Variants in ASIC2 observed in about 807,000 individuals in gnomAD.
ASIC2 encodes acid sensing ion channel subunit 2.
A neutral mutation model predicts 57.3 loss-of-function variants in ASIC2; 25 were observed. The observed-to-expected ratio is 0.44, with a 90% CI of 0.32 to 0.61. The LOEUF is 0.61. ASIC2 is among the 20% of genes least tolerant of loss of function. The pLI, the probability that ASIC2 is intolerant of heterozygous loss-of-function variation, is 0.06. For missense variants in ASIC2, 641 were observed against 738.1 expected, an observed-to-expected ratio of 0.87 and a Z score of 1.52; for synonymous variants, 319 against 307.5, an observed-to-expected ratio of 1.04 and a Z score of -0.39.
intron 1 of ASIC2, among the ~76,000 whole-genome samples, chr17:34,059,376 G>A (rs1908886175): frequency 6.6e-6 from 1 of 152,136 alleles, no homozygotes; most frequent in African/African-American, 2.4e-5. Context: ...TTCTTGCCTG[G>A]CATTACAGGG....
At chr17:33,831,106 CAAAAAAAAAAAAAAAAAAAA>C (rs56841196) in intron 1 of ASIC2, among the ~76,000 whole-genome samples, 9 of 22,964 alleles carry the variant, frequency 3.9e-4, no homozygotes, top group African/African-American at 1.1e-3. Context: ...AAGGCTCTGT[CAAAAAAAAAAAAAAAAAAAA>C]AAAAAAAAAA....
At chr17:33,899,350 G>C (rs1597922059) in intron 1 of ASIC2, among the ~76,000 whole-genome samples, 1 of 152,208 alleles carries the variant, frequency 6.6e-6, no homozygotes, top group East Asian at 1.9e-4. Context: ...GAGGATGTGA[G>C]TACCATGCTA....
intron 1 of ASIC2, among the ~76,000 whole-genome samples, chr17:33,316,750 G>A (rs918438002): frequency 1.3e-5 from 2 of 152,090 alleles, no homozygotes; most frequent in Admixed American, 6.5e-5. Context: ...ACTGATCATC[G>A]CCACTCCCAA....
intron 1 of ASIC2, among the ~76,000 whole-genome samples, chr17:33,498,610 G>A (rs542496878): frequency 7.9e-5 from 12 of 152,128 alleles, no homozygotes; most frequent in East Asian, 1.9e-4. Context: ...GGAGCTGCTC[G>A]GGTGAAGACT....
intron 1 of ASIC2, among the ~76,000 whole-genome samples, chr17:33,405,038 C>G (rs1037681545): frequency 2.6e-5 from 4 of 151,240 alleles, no homozygotes; most frequent in African/African-American, 9.7e-5. Flanking sequence ...CCAGGACACT[C>G]TGGGCTAATG....
intron 1 of ASIC2, among the ~76,000 whole-genome samples, chr17:33,623,912 C>T (rs961026325): frequency 8.5e-5 from 13 of 152,170 alleles, no homozygotes; most frequent in Non-Finnish European, 1.6e-4. Context: ...CCCTCCTCTG[C>T]CTTCTCTCTC....
chr17:34,065,809 G>A (rs935417718), intron 1 of ASIC2, among the ~76,000 whole-genome samples: 1 of 152,124 alleles, frequency 6.6e-6, no homozygotes, highest in African/African-American at 2.4e-5. Context: ...AATCAAAAGG[G>A]AGAATTATAA....
chr17:34,025,513 A>G (rs1212156775), intron 1 of ASIC2, among the ~76,000 whole-genome samples: 1 of 152,208 alleles, frequency 6.6e-6, no homozygotes, highest in Non-Finnish European at 1.5e-5. Flanking sequence ...CCCACCTAGC[A>G]CCTCAGATGA....
intron 1 of ASIC2, among the ~76,000 whole-genome samples, chr17:33,849,589 C>G (rs1913708252): frequency 6.6e-6 from 1 of 152,100 alleles, no homozygotes; most frequent in Non-Finnish European, 1.5e-5. Flanking sequence ...GAAGCCTTAC[C>G]CAGGGGGTGA....
intron 1 of ASIC2, among the ~76,000 whole-genome samples, chr17:33,751,361 T>G (rs1330691339): frequency 3.3e-5 from 5 of 151,450 alleles, no homozygotes; most frequent in African/African-American, 1.2e-4. Context: ...AAAAACAAAG[T>G]ATTTTGGTTT....
At chr17:33,597,325 T>C (rs1374702552) in intron 1 of ASIC2, among the ~76,000 whole-genome samples, 3 of 152,210 alleles carry the variant, frequency 2.0e-5, no homozygotes. Flanking sequence ...AGAGTTTTTT[T>C]CACCTACTGT....
At chr17:33,250,078 G>T (rs189904689) in intron 1 of ASIC2, among the ~76,000 whole-genome samples, 3 of 152,258 alleles carry the variant, frequency 2.0e-5, no homozygotes, top group African/African-American at 4.8e-5. Context: ...TATCTGTGTC[G>T]ATCTTAGGCA....
intron 1 of ASIC2, among the ~76,000 whole-genome samples, chr17:33,783,342 A>G (rs941299083): frequency 1.3e-5 from 2 of 152,192 alleles, no homozygotes; most frequent in Non-Finnish European, 1.5e-5. Flanking sequence ...CATGTAACAT[A>G]ACCTCTCCAT....
At chr17:33,275,452 G>A (rs1904666823) in intron 1 of ASIC2, among the ~76,000 whole-genome samples, 1 of 152,222 alleles carries the variant, frequency 6.6e-6, no homozygotes, top group South Asian at 2.1e-4. Context: ...AACGCCTACA[G>A]GTATCAATTA....
intron 1 of ASIC2, among the ~76,000 whole-genome samples, chr17:33,583,112 G>C (rs1904496180): frequency 1.3e-5 from 2 of 152,214 alleles, no homozygotes; most frequent in Admixed American, 1.3e-4. Context: ...TCTAAGGTAA[G>C]GCTTCTTTTC....
At chr17:33,851,264 A>T (rs909929335) in intron 1 of ASIC2, among the ~76,000 whole-genome samples, 1 of 152,150 alleles carries the variant, frequency 6.6e-6, no homozygotes, top group Non-Finnish European at 1.5e-5. Flanking sequence ...GGCCCTAGGC[A>T]GAGGGTCCCT....
At chr17:33,880,418 A>T (rs1376868711) in intron 1 of ASIC2, among the ~76,000 whole-genome samples, 1 of 152,234 alleles carries the variant, frequency 6.6e-6, no homozygotes, top group African/African-American at 2.4e-5. Flanking sequence ...AAAATAATAA[A>T]GGGGATATCA....
At chr17:33,314,812 A>G (rs1328007902) in intron 1 of ASIC2, among the ~76,000 whole-genome samples, 1 of 152,228 alleles carries the variant, frequency 6.6e-6, no homozygotes, top group Non-Finnish European at 1.5e-5. Flanking sequence ...GGTCAGGAAA[A>G]TAGCCAGTGT....
chr17:33,063,979 C>A (rs192922277), intron 3 of ASIC2, among the ~76,000 whole-genome samples: 2 of 152,264 alleles, frequency 1.3e-5, no homozygotes, highest in East Asian at 3.9e-4. Context: ...GCATTTGTCA[C>A]GTAGTTCTCG....
Sources: gnomAD v4.1 joint callset for allele counts (sites outside exome capture counted in the v4.1 genomes callset) on GRCh38, gnomAD v4.1.1 for gene constraint, MANE v1.5 for transcripts, NCBI Gene and HGNC (gene_info 2026-07-23, HGNC 2026-07-21) for gene names.